GALM: variants seen among roughly 807,000 people sequenced by gnomAD.
GALM encodes aldose 1-epimerase.
A neutral mutation model predicts 37.4 loss-of-function variants in GALM; 43 were observed. That is an observed-to-expected ratio of 1.15 (90% CI 0.90 to 1.48). The LOEUF (loss-of-function observed/expected upper bound fraction) is 1.48, where lower values mean the gene tolerates loss of function less well. Ranked by LOEUF, GALM falls within the 40% of genes most tolerant of loss-of-function variation. The pLI is 0.00. For missense variants in GALM, 456 were observed against 419.1 expected, an observed-to-expected ratio of 1.09 and a Z score of -0.77; for synonymous variants, 199 against 170.6, an observed-to-expected ratio of 1.17 and a Z score of -1.30.
intron 5 of GALM, 29 bp downstream of exon 5, chr2:38,729,726 T>C: frequency 1.3e-6 from 2 of 1,591,116 alleles, no homozygotes; most frequent in Non-Finnish European, 1.7e-6. Flanking sequence ...CCTGAGTCTG[T>C]AAGGAAGAAA....
At chr2:38,718,088 C>T (rs1054103290) in intron 4 of GALM, among the ~76,000 whole-genome samples, 3 of 151,750 alleles carry the variant, frequency 2.0e-5, no homozygotes, top group Non-Finnish European at 4.4e-5. Flanking sequence ...CCTCCCATCT[C>T]GGCCTCCCAG....
intron 4 of GALM, among the ~76,000 whole-genome samples, chr2:38,702,351 T>A (rs546706894): frequency 1.3e-5 from 2 of 152,044 alleles, no homozygotes; most frequent in South Asian, 4.2e-4. Context: ...TTAAAAATTT[T>A]AAAACTTAAA....
intron 4 of GALM, among the ~76,000 whole-genome samples, chr2:38,704,686 AAAGT>A (rs1666003288): frequency 6.6e-6 from 1 of 152,006 alleles, no homozygotes; most frequent in Non-Finnish European, 1.5e-5. Context: ...AAAAAAAAAA[AAAGT>A]AAGGCTACAG....
intron 4 of GALM, among the ~76,000 whole-genome samples, chr2:38,694,918 A>G (rs960961973): frequency 6.6e-6 from 1 of 151,194 alleles, no homozygotes; most frequent in Admixed American, 6.6e-5. Context: ...AAAAACAAAA[A>G]AAGAAAGGGA....
intron 4 of GALM, among the ~76,000 whole-genome samples, chr2:38,711,379 T>G (rs867650260): frequency 2.0e-5 from 3 of 152,020 alleles, no homozygotes; most frequent in Admixed American, 1.3e-4. Context: ...CACGCTGGTC[T>G]CGAACTCCCA....
At chr2:38,720,791 C>G (rs1407779853) in intron 4 of GALM, among the ~76,000 whole-genome samples, 1 of 152,202 alleles carries the variant, frequency 6.6e-6, no homozygotes, top group Non-Finnish European at 1.5e-5. Flanking sequence ...GAACAGCCCA[C>G]ACACAGCCTC....
intron 4 of GALM, among the ~76,000 whole-genome samples, chr2:38,722,158 G>A (rs1429720435): frequency 4.0e-5 from 6 of 150,654 alleles, no homozygotes; most frequent in Non-Finnish European, 5.9e-5. Context: ...TCAGGAGTTC[G>A]AGACCAGCCT....
chr2:38,729,983 A>C (rs1193514884), intron 5 of GALM, among the ~76,000 whole-genome samples: 1 of 151,932 alleles, frequency 6.6e-6, no homozygotes, highest in East Asian at 1.9e-4. Flanking sequence ...AACTCTTCCT[A>C]GTGAAGTCAC....
intron 4 of GALM, among the ~76,000 whole-genome samples, chr2:38,704,240 C>T (rs1468766675): frequency 2.0e-5 from 3 of 151,262 alleles, no homozygotes; most frequent in Non-Finnish European, 4.4e-5. Flanking sequence ...ACTCTGTTAT[C>T]CAGGCTGGAG....
chr2:38,694,652 T>TTGAG (rs1665758249), intron 4 of GALM, among the ~76,000 whole-genome samples: 1 of 152,012 alleles, frequency 6.6e-6, no homozygotes, highest in African/African-American at 2.4e-5. Context: ...ATCCCAGCAC[T>TTGAG]CTGGGAGGCC....
chr2:38,677,126 T>C (rs914729251), intron 2 of GALM, among the ~76,000 whole-genome samples: 5 of 152,260 alleles, frequency 3.3e-5, no homozygotes, highest in African/African-American at 1.2e-4. Context: ...GTGCTTGGCC[T>C]CCTGCTTCCT....
At chr2:38,732,058 T>C (rs1666619945) in intron 6 of GALM, 149 bp downstream of exon 6, 1 of 736,000 alleles carries the variant, frequency 1.4e-6, no homozygotes, top group Non-Finnish European at 2.2e-6. Context: ...CTCACTCTTG[T>C]CGCCTAGGCT....
intron 1 of GALM, chr2:38,671,458 G>A (rs1380548644): frequency 6.6e-6 from 1 of 152,164 alleles, no homozygotes; most frequent in African/African-American, 2.4e-5. Flanking sequence ...ACAGAAAGGA[G>A]GGGAAATTGC....
At chr2:38,724,387 A>G (rs1003486994) in intron 4 of GALM, among the ~76,000 whole-genome samples, 1 of 152,246 alleles carries the variant, frequency 6.6e-6, no homozygotes, top group African/African-American at 2.4e-5. Context: ...AGAGGTTAGA[A>G]TATTTCACAA....
At chr2:38,690,157 T>A (rs1450056147) in intron 4 of GALM, among the ~76,000 whole-genome samples, 2 of 152,120 alleles carry the variant, frequency 1.3e-5, no homozygotes, top group Admixed American at 1.3e-4. Flanking sequence ...CAAAAATTTT[T>A]AAAAAATGGT....
intron 4 of GALM, among the ~76,000 whole-genome samples, chr2:38,702,167 T>C (rs989330031): frequency 2.0e-5 from 3 of 151,720 alleles, no homozygotes; most frequent in Non-Finnish European, 4.4e-5. Context: ...TCTGGACAAC[T>C]GCACTCTAAC....
At chr2:38,682,181 A>T (rs989240831) in intron 3 of GALM, 7 of 406,228 alleles carry the variant, frequency 1.7e-5, no homozygotes, top group African/African-American at 1.4e-4. Context: ...AGAGTGGTGT[A>T]GAGCTGCTGA....
intron 4 of GALM, among the ~76,000 whole-genome samples, chr2:38,712,864 G>A (rs1666198636): frequency 6.6e-6 from 1 of 152,160 alleles, no homozygotes; most frequent in African/African-American, 2.4e-5. Flanking sequence ...GATTACAGGG[G>A]CTAAATCCCC....
chr2:38,731,396 CAAA>C (rs66613702), intron 5 of GALM, among the ~76,000 whole-genome samples: 57,443 of 119,422 alleles, frequency 0.48, 12,343 homozygotes, highest in East Asian at 0.73. Flanking sequence ...GACTCTATTT[CAAA>C]AAAAAAAAAA....
Sources: gnomAD v4.1 joint callset for allele counts (sites outside exome capture counted in the v4.1 genomes callset) on GRCh38, gnomAD v4.1.1 for gene constraint, MANE v1.5 for transcripts, NCBI Gene and HGNC (gene_info 2026-07-23, HGNC 2026-07-21) for gene names.